FRMD3: variants seen among roughly 807,000 people sequenced by gnomAD.
FRMD3 encodes FERM domain-containing protein 3.
FRMD3 carries 33 observed loss-of-function variants against 70.2 expected under a neutral mutation model. The observed-to-expected ratio is 0.47, with a 90% CI of 0.36 to 0.63. The LOEUF (loss-of-function observed/expected upper bound fraction) is 0.63, where lower values mean the gene tolerates loss of function less well. Among genes scored for constraint, FRMD3 ranks in the 20% least tolerant of loss-of-function variants. The pLI is 0.00. For missense variants in FRMD3, 632 were observed against 711.4 expected (o/e 0.89, Z 1.27); for synonymous variants, 279 against 255.9 (o/e 1.09, Z -0.86).
At chr9:83,561,285 C>T in the FRMD3 span, among the ~76,000 whole-genome samples, 1 of 152,196 alleles carries the variant, frequency 6.6e-6, no homozygotes, top group African/African-American at 2.4e-5. Flanking sequence ...TGTGTGATGG[C>T]CAAGCTCTTG....
intron 1 of FRMD3, among the ~76,000 whole-genome samples, chr9:83,451,466 C>G (rs1238673579): frequency 6.6e-6 from 1 of 151,518 alleles, no homozygotes; most frequent in Non-Finnish European, 1.5e-5. Context: ...TTTTAATGGG[C>G]AGCAATGATT....
At chr9:83,450,347 GT>G (rs763340189) in intron 1 of FRMD3, among the ~76,000 whole-genome samples, 5,544 of 111,574 alleles carry the variant, frequency 0.05, 118 homozygotes, top group African/African-American at 0.091. Context: ...GTCACCCTCA[GT>G]TTTTTTTTTT....
intron 1 of FRMD3, among the ~76,000 whole-genome samples, chr9:83,482,071 T>C (rs1339196660): frequency 6.6e-6 from 1 of 152,184 alleles, no homozygotes; most frequent in East Asian, 1.9e-4. Context: ...GCAAATTACT[T>C]TGCCAGGAAA....
chr9:83,497,555 A>G (rs1295350977), intron 1 of FRMD3, among the ~76,000 whole-genome samples: 1 of 152,228 alleles, frequency 6.6e-6, no homozygotes, highest in Non-Finnish European at 1.5e-5. Flanking sequence ...TACTTACCAA[A>G]TACCCGTGGG....
At chr9:83,329,033 T>C (rs1836138347) in intron 6 of FRMD3, among the ~76,000 whole-genome samples, 1 of 152,202 alleles carries the variant, frequency 6.6e-6, no homozygotes, top group African/African-American at 2.4e-5. Context: ...ACATTGCTTT[T>C]TCCCCCTTAA....
Position 83,461,040 on chromosome 9 carries a change from A to G in FRMD3, c.148-71332T>C, listed in dbSNP as rs75666794. ...GTGTGACAAGTGCACCAATAGGGTC[A>G]GAGGAAGAGCAATGGCCCCAAAGAT... On this transcript the variant is annotated intron_variant, in intron 1 of 13. Transcript: ENST00000304195. Among the ~76,000 whole-genome samples the G allele has an allele frequency of 7.0e-3, 1,064 of 152,284 alleles. 12 individuals are homozygous for G. The highest frequency in any genetic ancestry group is 0.024 in the African/African-American group (1,004 of 41,552).
chr9:83,530,539 T>A (rs918164142), intron 1 of FRMD3, among the ~76,000 whole-genome samples: 5 of 152,124 alleles, frequency 3.3e-5, no homozygotes, highest in African/African-American at 1.2e-4. Flanking sequence ...ATTTTGGGGA[T>A]GATGAAAATA....
chr9:83,545,505 C>T, the FRMD3 span, among the ~76,000 whole-genome samples: 1 of 151,360 alleles, frequency 6.6e-6, no homozygotes, highest in Non-Finnish European at 1.5e-5. Flanking sequence ...CTACAAGCGC[C>T]CACCACCACA....
At chr9:83,429,984 C>T (rs1195126995) in intron 1 of FRMD3, among the ~76,000 whole-genome samples, 2 of 152,202 alleles carry the variant, frequency 1.3e-5, no homozygotes, top group African/African-American at 4.8e-5. Flanking sequence ...TCACCACCAC[C>T]ATTGCCAGTT....
In FRMD3 at chr9:83,507,159, G is replaced by A. The variant is rs184831489; in HGVS notation, c.147+30926C>T. 8.4e-3 allele frequency among the ~76,000 whole-genome samples: 1,280 copies of A among 151,914 alleles called. 27 individuals are homozygous for A. The highest frequency in any genetic ancestry group is 0.03 in the African/African-American group (1,228 of 41,418). On this transcript the variant is annotated intron_variant, in intron 1 of 13. Coordinates refer to ENST00000304195, the MANE Select transcript of FRMD3 (RefSeq NM_174938.6). ...GTGGATCACTTGACGTCAGGAGTTC[G>A]AGACCAGCCTGGCCAACATGGTGAA...
intron 1 of FRMD3, among the ~76,000 whole-genome samples, chr9:83,469,724 C>T (rs77311851): frequency 0.16 from 23,543 of 151,744 alleles, 1,864 homozygotes; most frequent in East Asian, 0.2. Context: ...GAGGGAAATG[C>T]CTGAATTCAA....
In FRMD3 at chr9:83,343,164, C is replaced by T. The variant is rs576799134; in HGVS notation, c.472+26G>A. On this transcript the variant is annotated intron_variant, in intron 5 of 13. Coordinates refer to ENST00000304195, the MANE Select transcript of FRMD3 (RefSeq NM_174938.6). ...CCAGAGCTCCACAGTGCAAAGGTGGCGTGGGTGAGCTGTGGCCAGACTTAC... is the reference window on the plus strand; with the variant it reads ...CCAGAGCTCCACAGTGCAAAGGTGGTGTGGGTGAGCTGTGGCCAGACTTAC... The T allele has an allele frequency of 3.9e-5, 59 of 1,497,582 alleles. No individual in the cohort carries two copies. In the Admixed American group the frequency reaches 6.7e-4, roughly 17 times the overall value. The allele number at this position is 1,497,582 out of a possible 1,614,324, so 92.8% of individuals were successfully genotyped here.
chr9:83,366,684 T>C (rs1161192812), intron 3 of FRMD3, among the ~76,000 whole-genome samples: 1 of 152,210 alleles, frequency 6.6e-6, no homozygotes, highest in Non-Finnish European at 1.5e-5. Context: ...TTGAATTCAG[T>C]CATAGGAAAA....
At chr9:83,522,042 G>T (rs1829582296) in intron 1 of FRMD3, among the ~76,000 whole-genome samples, 1 of 152,196 alleles carries the variant, frequency 6.6e-6, no homozygotes, top group South Asian at 2.1e-4. Context: ...GAGGGTGAAC[G>T]TCTAGTAGGA....
intron 11 of FRMD3, 72 bp downstream of exon 11, chr9:83,299,040 C>T: frequency 8.5e-7 from 1 of 1,179,732 alleles, no homozygotes; most frequent in Non-Finnish European, 1.3e-6. Context: ...CACTTATTTG[C>T]AAGCAGAATT....
upstream of FRMD3, among the ~76,000 whole-genome samples, chr9:83,540,939 A>G (rs919954514): frequency 1.3e-5 from 2 of 152,238 alleles, no homozygotes; most frequent in Non-Finnish European, 2.9e-5. Flanking sequence ...TATCAGCAGG[A>G]AAGAGTGGGA....
chr9:83,394,627 CA>C lies in FRMD3; in HGVS notation c.148-4920del, dbSNP rs1217391757. 2.0e-5 allele frequency among the ~76,000 whole-genome samples: 3 copies of C among 152,168 alleles called. No individual in the cohort carries two copies. The East Asian group carries it at 5.8e-4, about 29-fold the overall frequency. On this transcript the variant is annotated intron_variant, in intron 1 of 13. Coordinates refer to ENST00000304195, the MANE Select transcript of FRMD3 (RefSeq NM_174938.6). The stretch of plus-strand genomic sequence containing the variant: ...TCTGATGCCCACAGTACCTTCTCTT[CA>C]AAGGCTGCTGAGTGGACCAGAGTCA...
At chr9:83,443,292 G>A (rs547787174) in intron 1 of FRMD3, among the ~76,000 whole-genome samples, 3 of 151,858 alleles carry the variant, frequency 2.0e-5, no homozygotes, top group South Asian at 4.2e-4. Context: ...CCTCCCCTAC[G>A]CCCCCACTCC....
intron 1 of FRMD3, among the ~76,000 whole-genome samples, chr9:83,411,565 T>C (rs10122474): frequency 0.16 from 24,552 of 152,180 alleles, 2,066 homozygotes; most frequent in African/African-American, 0.18. Flanking sequence ...GGATACTCCT[T>C]TGTAAAACTA....
Sources: gnomAD v4.1 joint callset for allele counts (sites outside exome capture counted in the v4.1 genomes callset) on GRCh38, gnomAD v4.1.1 for gene constraint, MANE v1.5 for transcripts, NCBI Gene and HGNC (gene_info 2026-07-23, HGNC 2026-07-21) for gene names.